Variants in ABCG1 observed in about 807,000 individuals in gnomAD.
ABCG1 encodes the protein ATP binding cassette subfamily G member 1, also known as ATP-binding cassette sub-family G member 1.
In ABCG1, 29 loss-of-function variants were observed where a neutral mutation model predicts 69.2. The ratio of observed to expected loss-of-function variants is 0.42; its 90% CI spans 0.31 to 0.57. The LOEUF is 0.57. Ranked by LOEUF, ABCG1 falls within the 20% of genes least tolerant of loss-of-function variation. The probability of loss-of-function intolerance (pLI) is 0.15; values close to 1 mark genes in which losing one functional copy is unlikely to be tolerated. For synonymous variants in ABCG1, 370 were observed against 374.8 expected, an observed-to-expected ratio of 0.99 and a Z score of 0.15; for missense variants, 718 against 898.1, an observed-to-expected ratio of 0.80 and a Z score of 2.56.
chr21:42,228,318 T>C (rs1252968840), intron 2 of ABCG1, among the ~76,000 whole-genome samples: 1 of 152,166 alleles, frequency 6.6e-6, no homozygotes, highest in Admixed American at 6.5e-5. Context: ...AGGATATGTC[T>C]GCTGTGTTCC....
At chr21:42,243,208 G>A (rs7283699) in intron 2 of ABCG1, among the ~76,000 whole-genome samples, 16,306 of 152,034 alleles carry the variant, frequency 0.11, 1,658 homozygotes, top group African/African-American at 0.27. Flanking sequence ...GGGCCAGGTG[G>A]TGTCTCACGA....
At chr21:42,243,692 G>GTT (rs1385755881) in intron 2 of ABCG1, among the ~76,000 whole-genome samples, 3 of 152,072 alleles carry the variant, frequency 2.0e-5, no homozygotes, top group Non-Finnish European at 4.4e-5. Flanking sequence ...GAGTGGAGAG[G>GTT]TTTTTGCAGG....
At chr21:42,264,969 A>G (rs979844901) in intron 2 of ABCG1, among the ~76,000 whole-genome samples, 1 of 152,148 alleles carries the variant, frequency 6.6e-6, no homozygotes, top group African/African-American at 2.4e-5. Context: ...GCAGACAGTG[A>G]GTGGGAGGGT....
chr21:42,243,702 G>A (rs891270509), intron 2 of ABCG1, among the ~76,000 whole-genome samples: 1 of 152,036 alleles, frequency 6.6e-6, no homozygotes, highest in African/African-American at 2.4e-5. Context: ...GTTTTTGCAG[G>A]ATTCCCGGCG....
intron 2 of ABCG1, among the ~76,000 whole-genome samples, chr21:42,203,250 T>C: frequency 6.6e-6 from 1 of 152,254 alleles, no homozygotes. Flanking sequence ...TTTCTCCTGG[T>C]CTGTTATTAA....
At position 42,226,756 on chromosome 21, in the gene ABCG1, G is replaced by A. The variant is rs573468115; in HGVS notation, c.286+842G>A. Among the ~76,000 whole-genome samples, 65 of 152,294 alleles carry A rather than the reference G, an allele frequency of 4.3e-4. 1 individual carries two copies. The highest frequency in any genetic ancestry group is 4.3e-4 in the Non-Finnish European group (29 of 68,010). On this transcript the variant is annotated intron_variant, in intron 2 of 14. Coordinates refer to ENST00000398449, the MANE Select transcript of ABCG1 (RefSeq NM_016818.3). ...TTGGGGGAGCTGATAGGCAGAGGAC[G>A]TGTCAGACTTCATCAAGAAACCATG...
chr21:42,289,264 G>A (rs2069007895), intron 10 of ABCG1, among the ~76,000 whole-genome samples: 1 of 152,102 alleles, frequency 6.6e-6, no homozygotes, highest in Non-Finnish European at 1.5e-5. Flanking sequence ...TGTCCCATAA[G>A]TCTTCTCATC....
intron 2 of ABCG1, among the ~76,000 whole-genome samples, chr21:42,234,349 C>T (rs949624154): frequency 3.3e-5 from 5 of 152,152 alleles, no homozygotes; most frequent in Non-Finnish European, 7.4e-5. Context: ...TTTTCCTTAC[C>T]CAAGACATAA....
chr21:42,259,651 G>A, intron 2 of ABCG1: 1 of 1,430,716 alleles, frequency 7.0e-7, no homozygotes, highest in Non-Finnish European at 9.2e-7. Context: ...AAGGTTGCTA[G>A]AGCCACGTGT....
rs373553240 is a variant in ABCG1 at position 42,267,343 on chromosome 21, CTGGGTTCTGTCTGGGTCTGGTT to C, written c.287-3707_287-3686del. ...TCTCTAGACCTGGTCTGGGTGTGGT[CTGGGTTCTGTCTGGGTCTGGTT>C]TGGGTTCTGTCTGGGTCTGATCTGG... is the stretch of plus-strand genomic sequence containing the variant. On this transcript the variant is annotated intron_variant, in intron 2 of 14. Transcript: ENST00000398449. 5.1e-3 allele frequency among the ~76,000 whole-genome samples: 780 copies of C among 152,088 alleles called. 6 individuals are homozygous for C. Among genetic ancestry groups the C allele is most frequent in the African/African-American group, 0.017 (696 of 41,444 alleles).
intron 2 of ABCG1, among the ~76,000 whole-genome samples, chr21:42,243,447 CGTGTGTGT>C (rs869095111): frequency 2.7e-3 from 220 of 81,550 alleles, no homozygotes; most frequent in South Asian, 7.1e-3. Context: ...TGTGTGTGCG[CGTGTGTGT>C]GTGTGTGTGT....
chr21:42,258,681 T>C (rs2068351710), intron 2 of ABCG1, among the ~76,000 whole-genome samples: 1 of 152,142 alleles, frequency 6.6e-6, no homozygotes, highest in Non-Finnish European at 1.5e-5. Flanking sequence ...CTCTAGAGCA[T>C]TCTACTAGAG....
chr21:42,210,012 C>A (rs916826161), intron 2 of ABCG1, among the ~76,000 whole-genome samples: 2 of 152,098 alleles, frequency 1.3e-5, no homozygotes, highest in Non-Finnish European at 2.9e-5. Flanking sequence ...GATGTAGGGG[C>A]TCCAGCGATG....
Position 42,202,688 on chromosome 21 carries a change from T to G in ABCG1, c.48+965T>G, listed in dbSNP as rs933302627. Among the ~76,000 whole-genome samples the G allele has an allele frequency of 4.6e-5, 7 of 152,150 alleles. No individual in the cohort carries two copies. In the South Asian group the frequency reaches 1.5e-3, roughly 32 times the overall value. The stretch of plus-strand genomic sequence containing the variant: ...GTACAGGGGCGCGATCACAGCTCAC[T>G]GCAACCTCTGCCTCCCAGGCTCAAG... On this transcript the variant is annotated intron_variant, in intron 2 of 15. Coordinates refer to the ABCG1 transcript ENST00000398457.
chr21:42,285,926 G>A lies in ABCG1; in HGVS notation c.905G>A (p.Cys302Tyr). The A allele has an allele frequency of 6.2e-7, 1 of 1,614,078 alleles. No homozygotes were observed. The highest frequency in any genetic ancestry group is 8.5e-7 in the Non-Finnish European group (1 of 1,180,014). ...QGQCVYRGKV[C>Y]NLVPYLRDLG... Reference sequence around the variant, plus strand: ...CAATGTGTGTACCGGGGAAAAGTCTGCAATCTTGTGCCATATTTGAGGGAT... The same window carrying A: ...CAATGTGTGTACCGGGGAAAAGTCTACAATCTTGTGCCATATTTGAGGGAT... Residue 302 changes from cysteine (C) to tyrosine (Y), a missense_variant, in exon 8 of 15, where the codon TGC becomes TAC. Around this residue, in one of 2 missense-constraint regions of ABCG1, gnomAD observed 514 missense variants for 574.3 expected, o/e 0.90. Transcript: ENST00000398449.
chr21:42,259,949 G>A, intron 2 of ABCG1: 1 of 1,485,510 alleles, frequency 6.7e-7, no homozygotes, highest in East Asian at 2.5e-5. Flanking sequence ...TTGGACGGTG[G>A]TGTTGGCTTG....
upstream of ABCG1, among the ~76,000 whole-genome samples, chr21:42,215,243 A>G (rs1415967134): frequency 2.0e-5 from 3 of 152,204 alleles, no homozygotes; most frequent in Non-Finnish European, 2.9e-5. Context: ...ACCCCACCAC[A>G]GGCCCACCTG....
chr21:42,271,037 A>G (rs1314366281), intron 2 of ABCG1, 33 bp from the exon 3 acceptor site: 4 of 1,369,890 alleles, frequency 2.9e-6, no homozygotes, highest in Non-Finnish European at 3.9e-6. Flanking sequence ...AGATAAAATG[A>G]AATGAATATG....
In ABCG1 at chr21:42,275,651, A is replaced by G. The variant is rs111690668; in HGVS notation, c.538-1244A>G. On this transcript the variant is annotated intron_variant, in intron 4 of 14. Coordinates refer to ENST00000398449, the MANE Select transcript of ABCG1 (RefSeq NM_016818.3). ...GGCTGCATTCTCCACAGATGCGACT[A>G]GGGACTCCTGCTGTCCTCTCCCAAC... is the stretch of plus-strand genomic sequence containing the variant. Among the ~76,000 whole-genome samples, 476 of 152,322 alleles carry G rather than the reference A, an allele frequency of 3.1e-3. 3 individuals carry two copies. The highest frequency in any genetic ancestry group is 5.4e-3 in the Non-Finnish European group (364 of 68,030).
Sources: allele counts gnomAD v4.1 joint callset (sites outside exome capture counted in the v4.1 genomes callset), GRCh38; gene constraint gnomAD v4.1.1; regional missense constraint gnomAD v4.1.1; transcripts MANE v1.5; gene names NCBI Gene and HGNC (gene_info 2026-07-23, HGNC 2026-07-21).